PRSS23: variants seen among roughly 807,000 people sequenced by gnomAD.
PRSS23 encodes protease, serine 23.
Under a neutral mutation model 34.7 loss-of-function variants are expected in PRSS23, and 25 were observed. The observed-to-expected ratio is 0.72, with a 90% CI of 0.53 to 1.01. The LOEUF (loss-of-function observed/expected upper bound fraction) is 1.01, where lower values mean the gene tolerates loss of function less well. Among genes scored for constraint, PRSS23 ranks in the 50% least tolerant of loss-of-function variants. The pLI, the probability that PRSS23 is intolerant of heterozygous loss-of-function variation, is 0.00. For missense variants in PRSS23, 445 were observed against 475.6 expected, an observed-to-expected ratio of 0.94 and a Z score of 0.60; for synonymous variants, 176 against 186.6, an observed-to-expected ratio of 0.94 and a Z score of 0.46.
intron 2 of PRSS23, chr11:86,939,113 A>G (rs1020642029): frequency 2.5e-6 from 1 of 403,526 alleles, no homozygotes; most frequent in Non-Finnish European, 4.8e-6. Flanking sequence ...AGAAGAGAAC[A>G]TCGCCAGAAA....
intron 2 of PRSS23, among the ~76,000 whole-genome samples, chr11:86,833,886 A>G (rs932353898): frequency 6.6e-6 from 1 of 152,078 alleles, no homozygotes; most frequent in African/African-American, 2.4e-5. Flanking sequence ...TTCTTGCTGA[A>G]TTGGGGCATA....
Position 86,869,981 on chromosome 11 carries a change from C to A in PRSS23, c.206+46388C>A, listed in dbSNP as rs148634293. ...TGCACAAGATTACTTGGCTAATAAGCAGCAGGGCTGGTGCAGATACAAGTT... is the reference window on the plus strand; with the variant it reads ...TGCACAAGATTACTTGGCTAATAAGAAGCAGGGCTGGTGCAGATACAAGTT... On this transcript the variant is annotated intron_variant, in intron 2 of 2. Transcript: ENST00000533902. Among the ~76,000 whole-genome samples the A allele has an allele frequency of 4.2e-3, 646 of 152,304 alleles. 3 individuals are homozygous for A. The highest frequency in any genetic ancestry group is 7.4e-3 in the Non-Finnish European group (505 of 68,024).
At chr11:86,828,719 G>T (rs187271410) in intron 2 of PRSS23, among the ~76,000 whole-genome samples, 1 of 152,124 alleles carries the variant, frequency 6.6e-6, no homozygotes, top group Admixed American at 6.5e-5. Flanking sequence ...GCATTTGCTC[G>T]TCTGTAAAGT....
intron 2 of PRSS23, among the ~76,000 whole-genome samples, chr11:86,855,147 C>A (rs1325904490): frequency 1.3e-5 from 2 of 149,186 alleles, no homozygotes; most frequent in East Asian, 2.0e-4. Context: ...GCATAGGCAA[C>A]AAGAGCAAAA....
At chr11:86,941,819 G>T (rs4144615) in intron 2 of PRSS23, among the ~76,000 whole-genome samples, 2 of 151,962 alleles carry the variant, frequency 1.3e-5, no homozygotes, top group Non-Finnish European at 2.9e-5. Flanking sequence ...CTGCCAACCT[G>T]ATGGCTCTTG....
chr11:86,851,624 T>A (rs960224529), intron 2 of PRSS23, among the ~76,000 whole-genome samples: 3 of 152,212 alleles, frequency 2.0e-5, no homozygotes, highest in Non-Finnish European at 4.4e-5. Flanking sequence ...ACAAGTTATA[T>A]GAAAATGCGT....
chr11:86,849,225 T>C (rs1249705625), intron 2 of PRSS23, among the ~76,000 whole-genome samples: 1 of 152,214 alleles, frequency 6.6e-6, no homozygotes, highest in African/African-American at 2.4e-5. Flanking sequence ...AGTCCATTAC[T>C]ATCTGAGGAA....
exon 3 of PRSS23, chr11:86,951,392 T>C (rs1482420806): frequency 6.2e-7 from 1 of 1,614,040 alleles, no homozygotes; most frequent in South Asian, 1.1e-5. Context: ...TTCATAAAAA[T>C]AACAGGCAAT....
chr11:86,902,813 T>C (rs1948920174), intron 2 of PRSS23, among the ~76,000 whole-genome samples: 1 of 152,228 alleles, frequency 6.6e-6, no homozygotes, highest in African/African-American at 2.4e-5. Flanking sequence ...ATTGAAAATG[T>C]CTTCCCTTCT....
At chr11:86,879,517 C>T (rs1376971075) in intron 2 of PRSS23, among the ~76,000 whole-genome samples, 4 of 132,696 alleles carry the variant, frequency 3.0e-5, no homozygotes, top group Non-Finnish European at 6.6e-5. Flanking sequence ...AGCCCCCCAC[C>T]CGGCCAGCCG....
chr11:86,952,449 C>T (rs2135042023), exon 3 of PRSS23: 7 of 1,613,718 alleles, frequency 4.3e-6, no homozygotes, highest in East Asian at 2.2e-5. Flanking sequence ...CACATTGGCA[C>T]ATAAACAGAA....
chr11:86,834,318 C>G (rs1022103286), intron 2 of PRSS23, among the ~76,000 whole-genome samples: 2 of 152,054 alleles, frequency 1.3e-5, no homozygotes, highest in African/African-American at 4.8e-5. Context: ...TCTTCGGTGG[C>G]TAGTCATCCT....
At chr11:86,797,853 C>G (rs1025045215), upstream of PRSS23, among the ~76,000 whole-genome samples, 3 of 152,184 alleles carry the variant, frequency 2.0e-5, no homozygotes, top group Non-Finnish European at 4.4e-5. Flanking sequence ...CCTGGTTTTA[C>G]AGAGGAGGAA....
chr11:86,905,995 C>CAT (rs1948939133), intron 2 of PRSS23, among the ~76,000 whole-genome samples: 1 of 147,292 alleles, frequency 6.8e-6, no homozygotes, highest in Non-Finnish European at 1.5e-5. Context: ...CATTCATTCA[C>CAT]TCATTCACTC....
intron 2 of PRSS23, chr11:86,935,878 T>C (rs1256402085): frequency 6.6e-6 from 1 of 152,142 alleles, no homozygotes; most frequent in East Asian, 1.9e-4. Context: ...GGAGCAGGTG[T>C]GATATAAAAA....
chr11:86,948,380 A>G (rs1439395044), intron 2 of PRSS23: 1 of 152,128 alleles, frequency 6.6e-6, no homozygotes, highest in Non-Finnish European at 1.5e-5. Context: ...GGCACTCAAT[A>G]AATAAAATAA....
chr11:86,897,765 A>C (rs910623954), intron 2 of PRSS23, among the ~76,000 whole-genome samples: 1 of 152,136 alleles, frequency 6.6e-6, no homozygotes, highest in African/African-American at 2.4e-5. Context: ...ACCACACCTG[A>C]CCAGTTTATG....
chr11:86,800,909 C>G (rs1948028888), intron 1 of PRSS23, among the ~76,000 whole-genome samples: 1 of 152,070 alleles, frequency 6.6e-6, no homozygotes, highest in African/African-American at 2.4e-5. Flanking sequence ...GAAAGAAGAT[C>G]CTGCTGTCTT....
intron 2 of PRSS23, among the ~76,000 whole-genome samples, chr11:86,854,611 G>T (rs564419795): frequency 2.0e-5 from 3 of 152,198 alleles, no homozygotes; most frequent in South Asian, 2.1e-4. Context: ...AAAGGTTTTG[G>T]CAGCGTTTTC....
Sources: gnomAD v4.1 joint callset for allele counts (sites outside exome capture counted in the v4.1 genomes callset) on GRCh38, gnomAD v4.1.1 for gene constraint, MANE v1.5 for transcripts, NCBI Gene and HGNC (gene_info 2026-07-23, HGNC 2026-07-21) for gene names.